ASIC2: variants seen among roughly 807,000 people sequenced by gnomAD.
The protein encoded by ASIC2 is acid sensing ion channel subunit 2, also known as acid-sensing ion channel 2.
A neutral mutation model predicts 57.3 loss-of-function variants in ASIC2; 25 were observed. That is an observed-to-expected ratio of 0.44 (90% confidence interval 0.32 to 0.61). The LOEUF is 0.61. Ranked by LOEUF, ASIC2 falls within the 20% of genes least tolerant of loss-of-function variation. ASIC2 has a pLI of 0.06. For missense variants in ASIC2, 641 were observed against 738.1 expected (o/e 0.87, Z 1.52); for synonymous variants, 319 against 307.5 (o/e 1.04, Z -0.39).
chr17:33,367,715 G>GAAA, intron 1 of ASIC2, among the ~76,000 whole-genome samples: 3 of 152,104 alleles, frequency 2.0e-5, no homozygotes, highest in Non-Finnish European at 2.9e-5. Context: ...TAAAAACTCA[G>GAAA]GGCAATTGAT....
intron 1 of ASIC2, among the ~76,000 whole-genome samples, chr17:34,144,459 C>T (rs1363477956): frequency 6.6e-6 from 1 of 152,144 alleles, no homozygotes; most frequent in African/African-American, 2.4e-5. Flanking sequence ...TCCAAAAAAT[C>T]GTCTTGCTCC....
At chr17:33,464,987 A>C (rs1325643253) in intron 1 of ASIC2, among the ~76,000 whole-genome samples, 1 of 152,158 alleles carries the variant, frequency 6.6e-6, no homozygotes, top group Non-Finnish European at 1.5e-5. Context: ...TTGAATACAA[A>C]AATACTATGG....
chr17:33,979,168 T>A (rs1004039047), intron 1 of ASIC2, among the ~76,000 whole-genome samples: 1 of 152,108 alleles, frequency 6.6e-6, no homozygotes, highest in South Asian at 2.1e-4. Flanking sequence ...CTCTAAAGCC[T>A]GGACCCAGGC....
At chr17:33,734,563 T>C (rs1909853130) in intron 1 of ASIC2, among the ~76,000 whole-genome samples, 1 of 152,174 alleles carries the variant, frequency 6.6e-6, no homozygotes, top group South Asian at 2.1e-4. Context: ...CACTACTAAA[T>C]TGTGTTCCCC....
At chr17:34,150,635 G>A (rs564526663) in intron 1 of ASIC2, among the ~76,000 whole-genome samples, 1 of 152,214 alleles carries the variant, frequency 6.6e-6, no homozygotes, top group East Asian at 1.9e-4. Context: ...GCAAGAAAAA[G>A]AATAATGACT....
chr17:33,021,372 T>G, intron 6 of ASIC2, 62 bp from the exon 7 acceptor site: 2 of 1,311,516 alleles, frequency 1.5e-6, no homozygotes, highest in Admixed American at 2.0e-5. Flanking sequence ...AGGGAGCATC[T>G]AATACAGCTT....
chr17:33,900,418 AC>A (rs1915207330), intron 1 of ASIC2, among the ~76,000 whole-genome samples: 1 of 152,028 alleles, frequency 6.6e-6, no homozygotes, highest in South Asian at 2.1e-4. Context: ...TCTAGCAAAC[AC>A]CCCATCTGCA....
At chr17:33,578,298 G>T (rs546724216) in intron 1 of ASIC2, among the ~76,000 whole-genome samples, 1 of 152,086 alleles carries the variant, frequency 6.6e-6, no homozygotes, top group Non-Finnish European at 1.5e-5. Context: ...AAACACTGTG[G>T]TTTAGAAGTT....
At chr17:33,917,854 G>GCACA (rs1174217886) in intron 1 of ASIC2, among the ~76,000 whole-genome samples, 2 of 101,254 alleles carry the variant, frequency 2.0e-5, no homozygotes, top group African/African-American at 9.1e-5. Context: ...ATAAAGCCCG[G>GCACA]TACACACACA....
chr17:33,231,146 T>C (rs1908075982), intron 1 of ASIC2, among the ~76,000 whole-genome samples: 1 of 152,170 alleles, frequency 6.6e-6, no homozygotes, highest in African/African-American at 2.4e-5. Context: ...TGTCAACCTG[T>C]GTGCTAACTA....
intron 1 of ASIC2, among the ~76,000 whole-genome samples, chr17:34,106,826 C>A (rs1200150044): frequency 6.6e-6 from 1 of 152,046 alleles, no homozygotes. Context: ...CCAGTTCCAG[C>A]CCTGGAATAT....
At chr17:33,267,359 T>A (rs1457392206) in intron 1 of ASIC2, among the ~76,000 whole-genome samples, 1 of 152,246 alleles carries the variant, frequency 6.6e-6, no homozygotes, top group Non-Finnish European at 1.5e-5. Flanking sequence ...TTGATTCACC[T>A]CTTAAAGAAT....
chr17:33,315,363 G>A (rs1227076708), intron 1 of ASIC2, among the ~76,000 whole-genome samples: 1 of 152,176 alleles, frequency 6.6e-6, no homozygotes, highest in Non-Finnish European at 1.5e-5. Flanking sequence ...TCAGAATAAA[G>A]ACATGAAAGA....
chr17:33,291,223 A>G, intron 1 of ASIC2, 185 bp downstream of exon 1: 1 of 1,309,496 alleles, frequency 7.6e-7, no homozygotes, highest in East Asian at 2.7e-5. Flanking sequence ...CCTACAGTTA[A>G]GTCCAAGTTC....
At chr17:33,424,054 A>G (rs1911133317) in intron 1 of ASIC2, among the ~76,000 whole-genome samples, 1 of 152,164 alleles carries the variant, frequency 6.6e-6, no homozygotes, top group South Asian at 2.1e-4. Context: ...CTTCTACCCC[A>G]GGAGATGCCT....
Position 33,827,337 on chromosome 17 carries a change from C to CTTTTTTTTTTTTTTT in ASIC2, c.555+328640_555+328641insAAAAAAAAAAAAAAA, listed in dbSNP as rs375695905. ...GGACTAGGTCCTGTTGCAGCTCACTCTTTTTTTTTTTTGAGACAGAGTCTT... is the reference window on the plus strand; with the variant it reads ...GGACTAGGTCCTGTTGCAGCTCACTCTTTTTTTTTTTTTTTTTTTTTTTTTTTGAGACAGAGTCTT... On this transcript the variant is annotated intron_variant, in intron 1 of 9. Transcript: ENST00000359872. Among the ~76,000 whole-genome samples the CTTTTTTTTTTTTTTT allele has an allele frequency of 3.0e-4, 23 of 76,528 alleles. 5 individuals are homozygous for CTTTTTTTTTTTTTTT. Among genetic ancestry groups the CTTTTTTTTTTTTTTT allele is most frequent in the Middle Eastern group, 0.018 (2 of 110 alleles). 50.2% of individuals were successfully genotyped at this position (76,528 alleles called of 152,430 possible).
intron 1 of ASIC2, among the ~76,000 whole-genome samples, chr17:33,631,667 G>A (rs1052347403): frequency 6.6e-6 from 1 of 152,030 alleles, no homozygotes; most frequent in Non-Finnish European, 1.5e-5. Context: ...CATTGGGGGT[G>A]GTATAGCATC....
Position 33,988,619 on chromosome 17 carries a change from C to T in ASIC2, c.555+167359G>A, listed in dbSNP as rs1048933542. On this transcript the variant is annotated intron_variant, in intron 1 of 9. Coordinates refer to the ASIC2 transcript ENST00000359872. ...ATTTTCCCCTAAGTTGCTCCCATTC[C>T]TCTTTACCATTTCTGCTTGCCTTTC... Among the ~76,000 whole-genome samples the T allele has an allele frequency of 2.6e-5, 4 of 151,974 alleles. No individual in the cohort carries two copies. The South Asian group carries it at 8.3e-4, about 32-fold the overall frequency.
At chr17:33,703,171 T>A (rs570885571) in intron 1 of ASIC2, among the ~76,000 whole-genome samples, 7 of 152,252 alleles carry the variant, frequency 4.6e-5, no homozygotes, top group Admixed American at 4.6e-4. Flanking sequence ...GGAAAGAACC[T>A]CAGGATACAT....
Sources: gnomAD v4.1 joint callset for allele counts (sites outside exome capture counted in the v4.1 genomes callset) on GRCh38, gnomAD v4.1.1 for gene constraint, MANE v1.5 for transcripts, NCBI Gene and HGNC (gene_info 2026-07-23, HGNC 2026-07-21) for gene names.